Variants in PGR observed in about 807,000 individuals in gnomAD.
PGR encodes progesterone receptor, also known as nuclear receptor subfamily 3 group C member 3.
In PGR, 25 loss-of-function variants were observed where a neutral mutation model predicts 76.1. That is an observed-to-expected ratio of 0.33 (90% CI 0.24 to 0.46). The LOEUF (loss-of-function observed/expected upper bound fraction) is 0.46. Ranked by LOEUF, PGR falls within the 20% of genes least tolerant of loss-of-function variation. PGR has a pLI of 1.00. For synonymous variants in PGR, 579 were observed against 535.0 expected, an observed-to-expected ratio of 1.08 and a Z score of -1.14; for missense variants, 1,172 against 1,225.3, an observed-to-expected ratio of 0.96 and a Z score of 0.65.
chr11:101,080,474 A>G (rs1861269645), intron 3 of PGR, among the ~76,000 whole-genome samples: 1 of 151,592 alleles, frequency 6.6e-6, no homozygotes, highest in Non-Finnish European at 1.5e-5. Context: ...GAAAGAAAAA[A>G]AAAAGAAAAA....
chr11:101,031,633 A>G lies in PGR; in HGVS notation c.*7483T>C, dbSNP rs1402817683. On this transcript the variant is annotated 3_prime_UTR_variant, in exon 8 of 8. Coordinates refer to ENST00000325455, the MANE Select transcript of PGR (RefSeq NM_000926.4). ...AGTGGGTATACCATTTTGTAATTCCACTTGATAATGGCATCTGATTATTTG... is the reference window on the plus strand; with the variant it reads ...AGTGGGTATACCATTTTGTAATTCCGCTTGATAATGGCATCTGATTATTTG... The G allele has an allele frequency of 9.4e-6, 2 of 213,010 alleles. No individual in the cohort carries two copies. Among genetic ancestry groups the G allele is most frequent in the Non-Finnish European group, 1.9e-5 (2 of 107,720 alleles). The allele number at this position is 213,010 out of a possible 1,614,324, so 13.2% of individuals were successfully genotyped here. A position where few individuals can be genotyped will look rare whatever the true frequency, so the allele number is the denominator to read the frequency against.
At chr11:101,118,064 G>C (rs192047029) in intron 2 of PGR, among the ~76,000 whole-genome samples, 236 of 152,288 alleles carry the variant, frequency 1.5e-3, no homozygotes, top group South Asian at 5.0e-3. Flanking sequence ...AGTGTTGTCT[G>C]TTAATCACTC....
chr11:101,051,637 C>T (rs954976900), intron 4 of PGR, 69 bp from the exon 5 acceptor site: 6 of 1,189,038 alleles, frequency 5.0e-6, no homozygotes, highest in Non-Finnish European at 6.3e-6. Context: ...GTTGAAAATA[C>T]ATATAAATCT....
chr11:101,085,009 A>C (rs1307728945), intron 3 of PGR, among the ~76,000 whole-genome samples: 2 of 152,234 alleles, frequency 1.3e-5, no homozygotes, highest in Non-Finnish European at 2.9e-5. Flanking sequence ...ATAGTGGGGG[A>C]CTGATAGCAT....
chr11:101,105,495 CTTT>C (rs377349747), intron 2 of PGR, among the ~76,000 whole-genome samples: 80 of 136,640 alleles, frequency 5.9e-4, no homozygotes, highest in African/African-American at 1.7e-3. Flanking sequence ...TAGCATATTC[CTTT>C]TTTTTTTTTT....
intron 3 of PGR, among the ~76,000 whole-genome samples, chr11:101,072,286 T>G (rs549400435): frequency 6.6e-6 from 1 of 152,170 alleles, no homozygotes; most frequent in Non-Finnish European, 1.5e-5. Flanking sequence ...CTGAGAGATT[T>G]TGTCACCACG....
chr11:101,041,803 T>G (rs1859701875), intron 7 of PGR, 142 bp downstream of exon 7: 1 of 694,880 alleles, frequency 1.4e-6, no homozygotes, highest in Non-Finnish European at 2.4e-6. Context: ...ATAAAAAGTC[T>G]GAGCAGCATG....
chr11:101,114,190 T>C (rs1218461118), intron 2 of PGR, among the ~76,000 whole-genome samples: 2 of 152,202 alleles, frequency 1.3e-5, no homozygotes, highest in Non-Finnish European at 2.9e-5. Flanking sequence ...CTTCCTGTCC[T>C]ATACTTCCAC....
chr11:101,083,801 T>G (rs987967000), intron 3 of PGR, among the ~76,000 whole-genome samples: 3 of 152,190 alleles, frequency 2.0e-5, no homozygotes, highest in Non-Finnish European at 4.4e-5. Context: ...GTTTTTGATA[T>G]TACAAGATCA....
At chr11:101,073,452 A>G (rs1283071347) in intron 3 of PGR, among the ~76,000 whole-genome samples, 1 of 152,300 alleles carries the variant, frequency 6.6e-6, no homozygotes, top group South Asian at 2.1e-4. Flanking sequence ...TTCAAAAGCT[A>G]GCAGAGGACA....
intron 4 of PGR, among the ~76,000 whole-genome samples, chr11:101,057,954 G>A (rs1347213217): frequency 6.6e-6 from 1 of 152,146 alleles, no homozygotes; most frequent in African/African-American, 2.4e-5. Flanking sequence ...ACAAGACTAT[G>A]AATGAGCTTA....
At chr11:101,116,012 G>A (rs1357021869) in intron 2 of PGR, among the ~76,000 whole-genome samples, 3 of 152,186 alleles carry the variant, frequency 2.0e-5, no homozygotes, top group African/African-American at 7.2e-5. Flanking sequence ...GCAGCAAAAT[G>A]TACGAATATT....
Position 101,033,168 on chromosome 11 carries a change from G to A in PGR, c.*5948C>T, listed in dbSNP as rs1258195499. On this transcript the variant is annotated 3_prime_UTR_variant, in exon 8 of 8. Transcript: ENST00000325455. ...TAAGATCAAAAGGAGATACTTTACT[G>A]GCTAAAGTGAAGAATTCTAAAGTCT... The A allele has an allele frequency of 4.8e-6, 1 of 209,294 alleles. No homozygotes were observed. The highest frequency in any genetic ancestry group is 2.3e-5 in the African/African-American group (1 of 44,020). The allele number at this position is 209,294 out of a possible 1,614,324, so 13.0% of individuals were successfully genotyped here.
At chr11:101,065,813 C>T (rs1345867462) in intron 3 of PGR, among the ~76,000 whole-genome samples, 1 of 151,532 alleles carries the variant, frequency 6.6e-6, no homozygotes, top group East Asian at 2.0e-4. Context: ...AGCGGATGGA[C>T]ATGGTGGCTG....
chr11:101,078,446 C>T (rs904705372), intron 3 of PGR, among the ~76,000 whole-genome samples: 1 of 152,106 alleles, frequency 6.6e-6, no homozygotes, highest in Non-Finnish European at 1.5e-5. Flanking sequence ...AAATATAAAG[C>T]TGTATTCATT....
chr11:101,065,373 G>GT (rs1177834887), intron 3 of PGR, among the ~76,000 whole-genome samples: 2 of 152,138 alleles, frequency 1.3e-5, no homozygotes, highest in African/African-American at 4.8e-5. Flanking sequence ...CCACTTTGTT[G>GT]TTTTTTTATA....
chr11:101,051,698 T>C (rs1860094739), intron 4 of PGR, 130 bp from the exon 5 acceptor site: 6 of 702,620 alleles, frequency 8.5e-6, no homozygotes, highest in African/African-American at 1.8e-5. Context: ...CAACATATTT[T>C]ACACTGAAAA....
intron 2 of PGR, among the ~76,000 whole-genome samples, chr11:101,119,966 C>G (rs757006498): frequency 2.9e-4 from 44 of 152,196 alleles, no homozygotes; most frequent in Non-Finnish European, 3.8e-4. Context: ...TCAAAGGACT[C>G]TTACAAGGAT....
At chr11:101,047,378 C>T (rs867202274) in intron 6 of PGR, among the ~76,000 whole-genome samples, 1 of 152,132 alleles carries the variant, frequency 6.6e-6, no homozygotes, top group African/African-American at 2.4e-5. Flanking sequence ...GAGCTAATTA[C>T]TGTATTATTA....
Sources: allele counts gnomAD v4.1 joint callset (sites outside exome capture counted in the v4.1 genomes callset), GRCh38; gene constraint gnomAD v4.1.1; transcripts MANE v1.5; gene names NCBI Gene and HGNC (gene_info 2026-07-23, HGNC 2026-07-21).